Variants in AKAP4 observed in about 807,000 individuals in gnomAD.
AKAP4 encodes A-kinase anchoring protein 4.
Under a neutral mutation model 42.6 loss-of-function variants are expected in AKAP4, and 4 were observed. That is an observed-to-expected ratio of 0.09 (90% CI 0.05 to 0.22). The LOEUF is 0.22. Among genes scored for constraint, AKAP4 ranks in the 10% least tolerant of loss-of-function variants. The pLI is 1.00. For missense variants in AKAP4, 551 were observed against 630.7 expected (o/e 0.87, Z 1.35); for synonymous variants, 223 against 233.0 (o/e 0.96, Z 0.39).
At chrX:50,198,589 G>A (rs1053691716) in intron 2 of AKAP4, 68 bp downstream of exon 2, 39 of 818,618 alleles carry the variant, frequency 4.8e-5, no homozygotes, top group Non-Finnish European at 6.5e-5. Flanking sequence ...TTTATCTTGG[G>A]CCCCAGGATA....
chrX:50,194,481 C>A, intron 4 of AKAP4, 45 bp from the exon 5 acceptor site: 1 of 1,017,379 alleles, frequency 9.8e-7, no homozygotes, highest in Non-Finnish European at 1.3e-6. Context: ...GGGTAGGCTA[C>A]TTTTTTCCCT....
At chrX:50,191,136 G>C in intron 5 of AKAP4, 21 bp from the exon 6 acceptor site, 1 of 1,202,921 alleles carries the variant, frequency 8.3e-7, no homozygotes, top group Non-Finnish European at 1.1e-6. Context: ...AACAGAGCTA[G>C]TGTGAGTTGC....
intron 1 of AKAP4, among the ~76,000 whole-genome samples, chrX:50,199,468 A>T (rs1313040540): frequency 4.6e-5 from 5 of 109,315 alleles, no homozygotes; most frequent in African/African-American, 1.7e-4. Flanking sequence ...TTATTTTAGA[A>T]AGAAAAAATA....
intron 4 of AKAP4, among the ~76,000 whole-genome samples, chrX:50,196,189 T>G (rs1314084579): frequency 8.1e-5 from 9 of 111,722 alleles, no homozygotes; most frequent in African/African-American, 2.6e-4. Context: ...CACTCCTTTC[T>G]GGAGTCTGGG....
intron 3 of AKAP4, among the ~76,000 whole-genome samples, chrX:50,197,251 T>G (rs926027382): frequency 4.9e-5 from 5 of 102,254 alleles, no homozygotes; most frequent in African/African-American, 7.5e-5. Context: ...TTTGGATGGG[T>G]TTTTTTTTTT....
rs782687013 is a variant in AKAP4 at position 50,196,939 on chromosome X, T to C, written c.228A>G (p.Glu76=). 20 of 1,208,998 alleles carry C rather than the reference T, an allele frequency of 1.7e-5. No individual in the cohort carries two copies. The Admixed American group carries it at 3.3e-4, about 20-fold the overall frequency. The change falls in exon 4 of 6, where the codon GAA becomes GAG. Residue 76 remains glutamate, a synonymous_variant. Coordinates refer to ENST00000358526, the MANE Select transcript of AKAP4 (RefSeq NM_003886.3). ...EGNLNLGSLE[E]KEIIVIKDTE... is the part of the protein sequence containing the mutation. ...TGTCCTTGATCACGATAATCTCTTT[T>C]TCTTCCAGACTTCCCAGGTTTAAGT...
Position 50,200,957 on chromosome X carries a change from G to T in AKAP4, c.-68C>A. ...TGATGACTCTTCCAGTCTGCCTCAA[G>T]ATACTGCTTTTTTCTTCAACTCTCC... On this transcript the variant is annotated 5_prime_UTR_variant, in exon 1 of 6. Coordinates refer to ENST00000358526, the MANE Select transcript of AKAP4 (RefSeq NM_003886.3). The T allele has an allele frequency of 9.2e-7, 1 of 1,081,198 alleles. No individual in the cohort carries two copies. Among genetic ancestry groups the T allele is most frequent in the Admixed American group, 2.2e-5 (1 of 45,683 alleles). 89.1% of individuals were successfully genotyped at this position (1,081,198 alleles called of 1,213,427 possible).
At position 50,192,530 on chromosome X, in the gene AKAP4, G is replaced by C. The variant is rs782216204; in HGVS notation, c.2183C>G (p.Ala728Gly). The change falls in exon 5 of 6, where the codon GCA becomes GGA. Residue 728 changes from alanine (A) to glycine (G), a missense_variant. Physicochemically the swap from Ala to Gly is moderately conservative, Grantham distance 60 (BLOSUM62 0). Transcript: ENST00000358526. The stretch of plus-strand genomic sequence containing the variant: ...GAAATTGGGCTTATTTGCCGAGGCT[G>C]CTTGTTCTTCCAACTCAGCAAGGGC... Reference protein sequence around the residue: ...GAALAELEEQAASANKPNFRG... With the variant: ...GAALAELEEQGASANKPNFRG... 1 of 1,211,664 alleles carries C rather than the reference G, an allele frequency of 8.3e-7. No homozygotes were observed. The highest frequency in any genetic ancestry group is 2.2e-5 in the Admixed American group (1 of 46,008).
Position 50,193,996 on chromosome X carries a change from C to A in AKAP4, c.717G>T (p.Lys239Asn). Reference protein sequence around the residue: ...IQMAHKEIKEKLEGKSKCLHH... With the variant: ...IQMAHKEIKENLEGKSKCLHH... ...GAAGGCATTTGCTTTTACCTTCCAA[C>A]TTCTCCTTGATTTCCTTATGGGCCA... The change falls in exon 5 of 6, where the codon AAG (lysine) becomes AAT (asparagine). Residue 239 changes from lysine (K) to asparagine (N), a missense_variant. Lys to Asn is a moderately conservative substitution (Grantham distance 94, BLOSUM62 0). Transcript: ENST00000358526. 1 of 1,211,546 alleles carries A rather than the reference C, an allele frequency of 8.3e-7. No individual in the cohort carries two copies. Among genetic ancestry groups the A allele is most frequent in the Admixed American group, 2.2e-5 (1 of 45,975 alleles).
chrX:50,192,803 A>T lies in AKAP4; in HGVS notation c.1910T>A (p.Leu637Gln). 8.3e-7 allele frequency: 1 copy of T among 1,211,716 alleles called. No individual in the cohort carries two copies. Among genetic ancestry groups the T allele is most frequent in the Non-Finnish European group, 1.1e-6 (1 of 895,516 alleles). The change falls in exon 5 of 6, where the codon CTG becomes CAG. Residue 637 changes from leucine to glutamine, a missense_variant. Leu to Gln is a moderately radical substitution (Grantham distance 113, BLOSUM62 -2). Coordinates refer to ENST00000358526, the MANE Select transcript of AKAP4 (RefSeq NM_003886.3). ...ACATTTGAAGGGGTTCTCATTAAGC[A>T]GTTTCTGAATCAGCATTAGAACGAT... ...SNIVLMLIQK[L>Q]LNENPFKCED...
chrX:50,197,859 C>T (rs782040575), intron 2 of AKAP4, among the ~76,000 whole-genome samples: 22 of 111,691 alleles, frequency 2.0e-4, no homozygotes, highest in Non-Finnish European at 3.8e-4. Flanking sequence ...CAGAGTGAGG[C>T]CTGAGGTACA....
Position 50,199,823 on chromosome X carries a change from C to T in AKAP4, c.27+1040G>A, listed in dbSNP as rs1469673193. ...CTCCCTCCCCTTTCCATTCCCTCCCCCTTTCTCCCCCTCCCCTTTCTCCCT... is the reference window on the plus strand; with the variant it reads ...CTCCCTCCCCTTTCCATTCCCTCCCTCTTTCTCCCCCTCCCCTTTCTCCCT... On this transcript the variant is annotated intron_variant, in intron 1 of 5. Coordinates refer to ENST00000358526, the MANE Select transcript of AKAP4 (RefSeq NM_003886.3). Among the ~76,000 whole-genome samples, 167 of 58,334 alleles carry T rather than the reference C, an allele frequency of 2.9e-3. 2 individuals are homozygous for T. Among genetic ancestry groups the T allele is most frequent in the African/African-American group, 0.011 (163 of 15,383 alleles). The allele number at this position is 58,334 out of a possible 115,157, so 50.7% of individuals were successfully genotyped here.
In AKAP4 at chrX:50,193,874, T is replaced by A. The variant is rs782580852; in HGVS notation, c.839A>T (p.Glu280Val). Residue 280 changes from glutamate (E) to valine (V), a missense_variant, in exon 5 of 6, where the codon GAA (glutamate) becomes GTA (valine). Coordinates refer to ENST00000358526, the MANE Select transcript of AKAP4 (RefSeq NM_003886.3). ...GCCACGCATTTCTGCAGCTGTCAGT[T>A]CCACAGCTTCATAGGCCATTTCAGA... ...IASEMAYEAV[E>V]LTAAEMRGTG... The A allele has an allele frequency of 2.1e-5, 25 of 1,210,138 alleles. No homozygotes were observed. Among genetic ancestry groups the A allele is most frequent in the Non-Finnish European group, 2.7e-5 (24 of 895,190 alleles).
chrX:50,195,131 A>T (rs1935173042), intron 4 of AKAP4, among the ~76,000 whole-genome samples: 1 of 112,477 alleles, frequency 8.9e-6, no homozygotes, highest in Non-Finnish European at 1.9e-5. Context: ...ATTCATTAAT[A>T]TAATAGATAC....
chrX:50,191,443 G>A (rs1482616798), intron 5 of AKAP4, among the ~76,000 whole-genome samples: 1 of 111,405 alleles, frequency 9.0e-6, no homozygotes, highest in Non-Finnish European at 1.9e-5. Context: ...CCTTCAGTTA[G>A]TCTGTGCTGA....
At chrX:50,192,015 A>G (rs782703596) in intron 5 of AKAP4, among the ~76,000 whole-genome samples, 1 of 110,877 alleles carries the variant, frequency 9.0e-6, no homozygotes, top group Admixed American at 9.6e-5. Context: ...AACTCAAAAC[A>G]TAAGACTTAA....
Position 50,194,391 on chromosome X carries a change from C to T in AKAP4, c.322G>A (p.Val108Ile). Residue 108 changes from valine (V) to isoleucine (I), a missense_variant, in exon 5 of 6, where the codon GTA (valine) becomes ATA (isoleucine). Coordinates refer to ENST00000358526, the MANE Select transcript of AKAP4 (RefSeq NM_003886.3). ...CTGAGAAGCCAGTTGAGGACACTTA[C>T]AGGATCAGAGGGAGCTTGTTTGAAA... ...CLFKQAPSDP[V>I]SVLNWLLSDL... 4 of 1,208,799 alleles carry T rather than the reference C, an allele frequency of 3.3e-6. No homozygotes were observed. The highest frequency in any genetic ancestry group is 4.5e-6 in the Non-Finnish European group (4 of 894,725).
At chrX:50,195,861 G>A (rs1467024325) in intron 4 of AKAP4, among the ~76,000 whole-genome samples, 4 of 110,944 alleles carry the variant, frequency 3.6e-5, no homozygotes, top group African/African-American at 9.8e-5. Flanking sequence ...CCAGATATGT[G>A]TATATGTACT....
Position 50,193,181 on chromosome X carries a change from T to G in AKAP4, c.1532A>C (p.Lys511Thr). 8.3e-7 allele frequency: 1 copy of G among 1,212,063 alleles called. No individual in the cohort carries two copies. Among genetic ancestry groups the G allele is most frequent in the Non-Finnish European group, 1.1e-6 (1 of 895,608 alleles). Residue 511 changes from lysine to threonine, a missense_variant, in exon 5 of 6, where the codon AAG becomes ACG. Transcript: ENST00000358526. ...LKEGLTIWNQ[K>T]QGNSCKVATK... Reference sequence around the variant, plus strand: ...AGCCACCTTGCATGAGTTTCCTTGCTTTTGGTTCCAGATGGTTAGGCCCTC... The same window carrying G: ...AGCCACCTTGCATGAGTTTCCTTGCGTTTGGTTCCAGATGGTTAGGCCCTC...
Sources: allele counts gnomAD v4.1 joint callset (sites outside exome capture counted in the v4.1 genomes callset), GRCh38; gene constraint gnomAD v4.1.1; transcripts MANE v1.5; gene names NCBI Gene and HGNC (gene_info 2026-07-23, HGNC 2026-07-21).